The following TENM3 variants were observed in gnomAD, a reference collection of about 807,000 sequenced individuals.
TENM3 encodes the protein teneurin-3.
TENM3 carries 63 observed loss-of-function variants against 255.1 expected under a neutral mutation model. That is an observed-to-expected ratio of 0.25 (90% CI 0.20 to 0.30). The LOEUF is 0.30. Ranked by LOEUF, TENM3 falls within the 10% of genes least tolerant of loss-of-function variation. The probability of loss-of-function intolerance (pLI) is 1.00; values close to 1 mark genes in which losing one functional copy is unlikely to be tolerated. For missense variants in TENM3, 2,929 were observed against 3,461.1 expected, an observed-to-expected ratio of 0.85 and a Z score of 3.86; for synonymous variants, 1,306 against 1,322.3, an observed-to-expected ratio of 0.99 and a Z score of 0.27.
rs1241090733 is a variant in TENM3, at chr4:182,751,813, C to T, written c.3643C>T (p.His1215Tyr). ...TCCTTTTCACAGCAGCAACCCAGCT[C>T]ATAGATACTACCTTGCAACGGATCC... ...SVLELSSNPAHRYYLATDPVT... is the reference protein window; with the variant it reads ...SVLELSSNPAYRYYLATDPVT... Residue 1215 changes from histidine (H) to tyrosine (Y), a missense_variant, in exon 20 of 28, where the codon CAT (histidine) becomes TAT (tyrosine). Coordinates refer to ENST00000511685, the MANE Select transcript of TENM3 (RefSeq NM_001080477.4). 1 of 1,613,486 alleles carries T rather than the reference C, an allele frequency of 6.2e-7. No homozygotes were observed. Among genetic ancestry groups the T allele is most frequent in the African/African-American group, 1.3e-5 (1 of 74,890 alleles).
At chr4:181,538,470 G>A in the TENM3 span, among the ~76,000 whole-genome samples, 1 of 151,946 alleles carries the variant, frequency 6.6e-6, no homozygotes, top group Admixed American at 6.6e-5. Context: ...GGGGAGGGGG[G>A]CGTGGTGGTT....
At chr4:182,759,370 TGGCATTTG>T (rs1762961054) in intron 22 of TENM3, among the ~76,000 whole-genome samples, 2 of 152,246 alleles carry the variant, frequency 1.3e-5, no homozygotes, top group African/African-American at 4.8e-5. Context: ...AACCAGAAGC[TGGCATTTG>T]CCAACGCTCC....
chr4:182,036,488 G>T, the TENM3 span, among the ~76,000 whole-genome samples: 1 of 151,476 alleles, frequency 6.6e-6, no homozygotes, highest in Admixed American at 6.6e-5. Context: ...ACCGCACCCG[G>T]CCGATAATCT....
chr4:182,157,112 G>A (rs927318876), intron 1 of TENM3, among the ~76,000 whole-genome samples: 4 of 152,188 alleles, frequency 2.6e-5, no homozygotes, highest in African/African-American at 9.7e-5. Flanking sequence ...GCATGCAGAC[G>A]TTAGCAGTGC....
intron 1 of TENM3, among the ~76,000 whole-genome samples, chr4:182,262,365 T>C (rs1402212179): frequency 6.6e-6 from 1 of 152,124 alleles, no homozygotes; most frequent in Non-Finnish European, 1.5e-5. Context: ...TTTCGGACAG[T>C]GAAGGCATTC....
intron 23 of TENM3, among the ~76,000 whole-genome samples, chr4:182,774,267 T>A (rs992568906): frequency 3.4e-5 from 5 of 148,712 alleles, no homozygotes; most frequent in Admixed American, 6.7e-5. Context: ...TTTTGACTCA[T>A]TTTTTTTACC....
chr4:182,749,380 G>GT (rs547449072), intron 19 of TENM3, among the ~76,000 whole-genome samples: 1 of 151,948 alleles, frequency 6.6e-6, no homozygotes. Flanking sequence ...AACCTAATCA[G>GT]TTTTTTTCTT....
chr4:182,769,716 G>A (rs1280424030), intron 22 of TENM3, among the ~76,000 whole-genome samples: 7 of 151,926 alleles, frequency 4.6e-5, no homozygotes, highest in African/African-American at 1.5e-4. Flanking sequence ...CTTGGGAGGC[G>A]GAGGTTGCAG....
intron 1 of TENM3, among the ~76,000 whole-genome samples, chr4:182,274,427 G>A (rs1352087785): frequency 6.6e-6 from 1 of 152,162 alleles, no homozygotes; most frequent in African/African-American, 2.4e-5. Flanking sequence ...GTTTGGCATG[G>A]CAACAAAAAG....
At chr4:181,815,333 G>A in the TENM3 span, among the ~76,000 whole-genome samples, 1 of 151,644 alleles carries the variant, frequency 6.6e-6, no homozygotes, top group African/African-American at 2.4e-5. Flanking sequence ...ATGATGGCAT[G>A]TGCCTGTAAT....
chr4:181,983,824 A>G, the TENM3 span, among the ~76,000 whole-genome samples: 1 of 152,146 alleles, frequency 6.6e-6, no homozygotes, highest in Non-Finnish European at 1.5e-5. Context: ...ATTCAGTTTT[A>G]GTATACTGAA....
At chr4:182,675,063 A>G (rs1755555929) in intron 7 of TENM3, among the ~76,000 whole-genome samples, 2 of 151,300 alleles carry the variant, frequency 1.3e-5, no homozygotes, top group South Asian at 2.1e-4. Flanking sequence ...TTTAGTAGAC[A>G]TAGGTTTTCT....
At chr4:182,296,654 C>T (rs1461175631) in intron 1 of TENM3, among the ~76,000 whole-genome samples, 1 of 152,198 alleles carries the variant, frequency 6.6e-6, no homozygotes, top group Non-Finnish European at 1.5e-5. Context: ...GTGTTTAGCA[C>T]TGCTGTGTAT....
At chr4:181,990,394 C>T in the TENM3 span, among the ~76,000 whole-genome samples, 1 of 152,080 alleles carries the variant, frequency 6.6e-6, no homozygotes, top group East Asian at 1.9e-4. Flanking sequence ...CCTGAGTTGT[C>T]CTCAATAAAG....
At chr4:182,285,296 T>C (rs1288375313) in intron 1 of TENM3, among the ~76,000 whole-genome samples, 1 of 152,100 alleles carries the variant, frequency 6.6e-6, no homozygotes, top group African/African-American at 2.4e-5. Flanking sequence ...CTAGATAGAA[T>C]ATGGTATAAG....
At chr4:182,729,500 C>T (rs550282560) in intron 14 of TENM3, among the ~76,000 whole-genome samples, 25 of 150,998 alleles carry the variant, frequency 1.7e-4, no homozygotes, top group Non-Finnish European at 3.2e-4. Flanking sequence ...AAAGGCAGAA[C>T]AGAAGTGCAC....
the TENM3 span, among the ~76,000 whole-genome samples, chr4:182,086,174 A>G: frequency 6.6e-6 from 1 of 152,128 alleles, no homozygotes; most frequent in Non-Finnish European, 1.5e-5. Flanking sequence ...AACACGGTAT[A>G]ATGTCTTTTA....
chr4:181,483,272 C>A, the TENM3 span, among the ~76,000 whole-genome samples: 23 of 152,170 alleles, frequency 1.5e-4, no homozygotes, highest in African/African-American at 4.6e-4. Context: ...ACTATTTTTA[C>A]AGCTTAAGAC....
the TENM3 span, among the ~76,000 whole-genome samples, chr4:181,538,896 G>C: frequency 9.2e-5 from 14 of 152,128 alleles, no homozygotes; most frequent in Non-Finnish European, 1.5e-4. Context: ...TAATCCAATT[G>C]GTTTAGTTGT....
Sources: allele counts gnomAD v4.1 joint callset (sites outside exome capture counted in the v4.1 genomes callset), GRCh38; gene constraint gnomAD v4.1.1; transcripts MANE v1.5; gene names NCBI Gene and HGNC (gene_info 2026-07-23, HGNC 2026-07-21).